The following ZBTB4 variants were observed in gnomAD, a reference collection of about 807,000 sequenced individuals.
ZBTB4 encodes zinc finger and BTB domain-containing protein 4.
In ZBTB4, 14 loss-of-function variants were observed where a neutral mutation model predicts 59.8. The ratio of observed to expected loss-of-function variants is 0.23; its 90% CI spans 0.15 to 0.37. The LOEUF (loss-of-function observed/expected upper bound fraction) is 0.37, where lower values mean the gene tolerates loss of function less well. Among genes scored for constraint, ZBTB4 ranks in the 10% least tolerant of loss-of-function variants. The probability of loss-of-function intolerance (pLI) is 1.00; values close to 1 mark genes in which losing one functional copy is unlikely to be tolerated. For synonymous variants in ZBTB4, 587 were observed against 575.2 expected, an observed-to-expected ratio of 1.02 and a Z score of -0.29; for missense variants, 1,198 against 1,380.8, an observed-to-expected ratio of 0.87 and a Z score of 2.10.
intron 1 of ZBTB4, among the ~76,000 whole-genome samples, chr17:7,474,073 C>T (rs893958553): frequency 1.3e-5 from 2 of 152,018 alleles, no homozygotes; most frequent in African/African-American, 4.8e-5. Context: ...TATGCCACCA[C>T]ACCCGGCTAA....
In ZBTB4 at chr17:7,479,622, T is replaced by A. The variant is rs1169716139; in HGVS notation, c.-247A>T. 6.4e-6 allele frequency: 1 copy of A among 157,104 alleles called. No individual in the cohort carries two copies. Among genetic ancestry groups the A allele is most frequent in the Non-Finnish European group, 1.3e-5 (1 of 76,322 alleles). 9.7% of individuals were successfully genotyped at this position (157,104 alleles called of 1,614,324 possible). ...CCGCTGCCGCCGCCGCCGCCGCCGC[T>A]GACATCATCGGCTCCCCCCGCCCCG... is the stretch of plus-strand genomic sequence containing the variant. On this transcript the variant is annotated 5_prime_UTR_variant, in exon 1 of 4. Transcript: ENST00000380599.
upstream of ZBTB4, among the ~76,000 whole-genome samples, chr17:7,480,144 C>A (rs1223518893): frequency 6.6e-6 from 1 of 152,106 alleles, no homozygotes; most frequent in African/African-American, 2.4e-5. Flanking sequence ...GCCCTGCATA[C>A]GGGGCACACA....
At position 7,462,901 on chromosome 17, in the gene ZBTB4, C is replaced by A; in HGVS notation, c.2081G>T (p.Arg694Leu). 1 of 1,608,504 alleles carries A rather than the reference C, an allele frequency of 6.2e-7. No homozygotes were observed. The highest frequency in any genetic ancestry group is 8.5e-7 in the Non-Finnish European group (1 of 1,179,804). ...VGGSGLPRGRRPPRWRQKLER... is the reference protein window; with the variant it reads ...VGGSGLPRGRLPPRWRQKLER... ...CAGCTTCTGCCTCCAACGTGGTGGC[C>A]GGCGGCCTCGGGGCAGCCCACTGCC... is the stretch of plus-strand genomic sequence containing the variant. Residue 694 changes from arginine (R) to leucine (L), a missense_variant, in exon 4 of 4, where the codon CGG becomes CTG. Around this residue, in one of 9 missense-constraint regions of ZBTB4, gnomAD observed 550 missense variants for 541.8 expected, o/e 1.02. Transcript: ENST00000380599. The surrounding 1 kb of genome is among the most constrained non-coding windows in gnomAD (Gnocchi z 7.5).
In ZBTB4 at chr17:7,475,497, G is replaced by A. The variant is rs146924757; in HGVS notation, c.-81+3959C>T. ...GGTTTTATATTATCCTGTTGCCCAG[G>A]CTGGAGCGCAGTGGCGTGATCTCGG... On this transcript the variant is annotated intron_variant, in intron 1 of 3. Transcript: ENST00000380599. Among the ~76,000 whole-genome samples, 787 of 152,094 alleles carry A rather than the reference G, an allele frequency of 5.2e-3. 8 individuals carry two copies. Among genetic ancestry groups the A allele is most frequent in the African/African-American group, 0.017 (717 of 41,492 alleles).
In ZBTB4 at chr17:7,462,380, C is replaced by T; in HGVS notation, c.2602G>A (p.Val868Ile). 1.9e-6 allele frequency: 3 copies of T among 1,613,958 alleles called. No homozygotes were observed. The highest frequency in any genetic ancestry group is 1.1e-5 in the South Asian group (1 of 91,084). ...GGAAATTCCTGCACAGGTGGGTATA[C>T]ATAGCTGCCCCCGCTTGCCACTACT... is the stretch of plus-strand genomic sequence containing the variant. ...PPVVASGGSY[V>I]YPPVQEFPLA... Residue 868 changes from valine (V) to isoleucine (I), a missense_variant, in exon 4 of 4, where the codon GTA becomes ATA. Physicochemically the swap from Val to Ile is conservative, Grantham distance 29 (BLOSUM62 3). This residue lies in a region of ZBTB4 where 211 missense variants were observed against 236.1 expected (regional missense o/e 0.89). Coordinates refer to ENST00000380599, the MANE Select transcript of ZBTB4 (RefSeq NM_001128833.2). The surrounding 1 kb of genome is among the most constrained non-coding windows in gnomAD (Gnocchi z 7.5).
chr17:7,478,435 C>G (rs2241234), intron 1 of ZBTB4, among the ~76,000 whole-genome samples: 1 of 151,890 alleles, frequency 6.6e-6, no homozygotes, highest in Non-Finnish European at 1.5e-5. Flanking sequence ...ATCACAGACA[C>G]GCAAACCCAT....
chr17:7,483,187 A>G, upstream of ZBTB4: 2 of 1,168,772 alleles, frequency 1.7e-6, no homozygotes, highest in Non-Finnish European at 2.4e-6. Context: ...CCAGCCTGGG[A>G]CCAAGGGATG....
At position 7,462,969 on chromosome 17, in the gene ZBTB4, C is replaced by A; in HGVS notation, c.2013G>T (p.Lys671Asn). ...CAGCAGCTCCAGCCTTGCGCTTAGG[C>A]TTGTAGGAGTAGTAGGGCCTCCAGA... ...DQLWRPYYSY[K>N]PKRKAGAAGG... Residue 671 changes from lysine (K) to asparagine (N), a missense_variant, in exon 4 of 4, where the codon AAG becomes AAT. Around this residue, in one of 9 missense-constraint regions of ZBTB4, gnomAD observed 550 missense variants for 541.8 expected, o/e 1.02. Coordinates refer to ENST00000380599, the MANE Select transcript of ZBTB4 (RefSeq NM_001128833.2). The surrounding 1 kb of genome is among the most constrained non-coding windows in gnomAD (Gnocchi z 7.5). 1 of 1,608,534 alleles carries A rather than the reference C, an allele frequency of 6.2e-7. No individual in the cohort carries two copies.
rs139400123 is a variant in ZBTB4, at chr17:7,463,908, G to A, written c.1092-18C>T. On this transcript the variant is annotated intron_variant, in intron 3 of 3. Coordinates refer to ENST00000380599, the MANE Select transcript of ZBTB4 (RefSeq NM_001128833.2). ...ACTGGTACCTGGGTCAGGACAGCAGGGAATAGGGCAGGAACACAGGCACTT... is the reference window on the plus strand; with the variant it reads ...ACTGGTACCTGGGTCAGGACAGCAGAGAATAGGGCAGGAACACAGGCACTT... The A allele has an allele frequency of 2.6e-5, 42 of 1,603,610 alleles. No individual in the cohort carries two copies. Among genetic ancestry groups the A allele is most frequent in the Non-Finnish European group, 3.3e-5 (39 of 1,175,304 alleles).
intron 1 of ZBTB4, among the ~76,000 whole-genome samples, chr17:7,477,087 C>T (rs969360799): frequency 2.0e-5 from 3 of 152,048 alleles, no homozygotes; most frequent in Non-Finnish European, 2.9e-5. Flanking sequence ...GACAGAGTGG[C>T]CACATATAAG....
chr17:7,469,226 G>A (rs928804116), intron 1 of ZBTB4, among the ~76,000 whole-genome samples: 3 of 152,150 alleles, frequency 2.0e-5, no homozygotes, highest in African/African-American at 7.2e-5. Context: ...GAATGCAGTG[G>A]TGCAATCTCA....
chr17:7,462,068 C>G lies in ZBTB4; in HGVS notation c.2914G>C (p.Val972Leu). Residue 972 changes from valine to leucine, a missense_variant, in exon 4 of 4, where the codon GTG becomes CTG. By Grantham distance (32) the Val-to-Leu change is conservative. Coordinates refer to ENST00000380599, the MANE Select transcript of ZBTB4 (RefSeq NM_001128833.2). The surrounding 1 kb of genome is among the most constrained non-coding windows in gnomAD (Gnocchi z 7.5). Reference protein sequence around the residue: ...PFLPGVFGYAVNPQAAPPAPP... With the variant: ...PFLPGVFGYALNPQAAPPAPP... ...GCAGGGGGTGCTGCTTGAGGATTCA[C>G]TGCGTAGCCAAAGACCCCTGGTAGG... 2 of 1,599,114 alleles carry G rather than the reference C, an allele frequency of 1.3e-6. No homozygotes were observed. The highest frequency in any genetic ancestry group is 1.7e-6 in the Non-Finnish European group (2 of 1,172,306).
upstream of ZBTB4, chr17:7,481,547 C>T: frequency 1.3e-6 from 2 of 1,510,948 alleles, no homozygotes; most frequent in Non-Finnish European, 1.8e-6. Context: ...GGGCCTAGTA[C>T]TCCCTCCCTA....
At position 7,461,930 on chromosome 17, in the gene ZBTB4, GC is replaced by G; in HGVS notation, c.*9del. 1 of 1,526,832 alleles carries G rather than the reference GC, an allele frequency of 6.5e-7. No individual in the cohort carries two copies. The highest frequency in any genetic ancestry group is 8.8e-7 in the Non-Finnish European group (1 of 1,135,884). 94.6% of individuals were successfully genotyped at this position (1,526,832 alleles called of 1,614,324 possible). A position where few individuals can be genotyped will look rare whatever the true frequency, so the allele number is the denominator to read the frequency against. On this transcript the variant is annotated 3_prime_UTR_variant, in exon 4 of 4. Transcript: ENST00000380599. ...TGGCATCTGGTGAAAGGGGGATTGA[GC>G]CCCAGGGTTCACCCCACATCGCCCT...
At chr17:7,481,072 T>C (rs902347124), upstream of ZBTB4, among the ~76,000 whole-genome samples, 3 of 151,602 alleles carry the variant, frequency 2.0e-5, no homozygotes, top group South Asian at 2.1e-4. Context: ...GGTAGGAGAA[T>C]TGCTTGAACC....
chr17:7,462,366 C>T lies in ZBTB4; in HGVS notation c.2616G>A (p.Val872=). 6.2e-6 allele frequency: 10 copies of T among 1,613,960 alleles called. No individual in the cohort carries two copies. The highest frequency in any genetic ancestry group is 8.5e-6 in the Non-Finnish European group (10 of 1,179,996). Residue 872 remains valine, a synonymous_variant, in exon 4 of 4, where the codon GTG becomes GTA. Transcript: ENST00000380599. This position sits in a 1 kb window ranked among gnomAD's most constrained non-coding sequence, Gnocchi z 7.5. Reference sequence around the variant, plus strand: ...CAATCAAGGCCAGTGGAAATTCCTGCACAGGTGGGTATACATAGCTGCCCC... The same window carrying T: ...CAATCAAGGCCAGTGGAAATTCCTGTACAGGTGGGTATACATAGCTGCCCC... ...ASGGSYVYPP[V]QEFPLALIGG... is the part of the protein sequence containing the mutation.
At position 7,459,415 on chromosome 17, in the gene ZBTB4, G is replaced by A. The variant is rs1260126139; in HGVS notation, c.*2525C>T. 6.6e-6 allele frequency: 1 copy of A among 152,620 alleles called. No individual in the cohort carries two copies. Among genetic ancestry groups the A allele is most frequent in the Non-Finnish European group, 1.5e-5 (1 of 68,046 alleles). The allele number at this position is 152,620 out of a possible 1,614,324, so 9.5% of individuals were successfully genotyped here. A position where few individuals can be genotyped will look rare whatever the true frequency, so the allele number is the denominator to read the frequency against. On this transcript the variant is annotated 3_prime_UTR_variant, in exon 4 of 4. Transcript: ENST00000380599. ...GTTGGTTTATTGGCCTACAGAGTTG[G>A]ACACACACACAAATGCGGAGATAAA... is the stretch of plus-strand genomic sequence containing the variant.
Position 7,460,283 on chromosome 17 carries a change from G to C in ZBTB4, c.*1657C>G, listed in dbSNP as rs149094559. ...CTCCTCTGTGGTTAACATTCAGGGA[G>C]CCTGTCTAAAACCTCCCCTTTTGTA... is the stretch of plus-strand genomic sequence containing the variant. On this transcript the variant is annotated 3_prime_UTR_variant, in exon 4 of 4. Coordinates refer to ENST00000380599, the MANE Select transcript of ZBTB4 (RefSeq NM_001128833.2). 7.4e-3 allele frequency: 1,127 copies of C among 152,742 alleles called. 12 individuals are homozygous for C. The highest frequency in any genetic ancestry group is 0.01 in the Middle Eastern group (3 of 294). The allele number at this position is 152,742 out of a possible 1,614,324, so 9.5% of individuals were successfully genotyped here. A position where few individuals can be genotyped will look rare whatever the true frequency, so the allele number is the denominator to read the frequency against.
At chr17:7,471,956 A>C (rs1432048043) in intron 1 of ZBTB4, among the ~76,000 whole-genome samples, 1 of 152,094 alleles carries the variant, frequency 6.6e-6, no homozygotes, top group African/African-American at 2.4e-5. Context: ...GTGACCTCAG[A>C]TGTGCCACTG....
Sources: allele counts gnomAD v4.1 joint callset (sites outside exome capture counted in the v4.1 genomes callset), GRCh38; gene constraint gnomAD v4.1.1; regional missense constraint gnomAD v4.1.1; non-coding constraint Gnocchi (gnomAD v3.1); transcripts MANE v1.5; gene names NCBI Gene and HGNC (gene_info 2026-07-23, HGNC 2026-07-21).